MYO3B: variants seen among roughly 807,000 people sequenced by gnomAD.
MYO3B encodes myosin-IIIb.
Under a neutral mutation model 174.6 loss-of-function variants are expected in MYO3B, and 156 were observed. The ratio of observed to expected loss-of-function variants is 0.89; its 90% CI spans 0.78 to 1.02. The LOEUF (loss-of-function observed/expected upper bound fraction) is 1.02. Among genes scored for constraint, MYO3B ranks in the 50% least tolerant of loss-of-function variants. The pLI is 0.00. For synonymous variants in MYO3B, 563 were observed against 569.1 expected (o/e 0.99, Z 0.15); for missense variants, 1,632 against 1,639.4 (o/e 1.00, Z 0.08).
At chr2:170,333,658 C>T (rs1274427331) in intron 7 of MYO3B, among the ~76,000 whole-genome samples, 6 of 151,960 alleles carry the variant, frequency 3.9e-5, no homozygotes, top group Non-Finnish European at 7.4e-5. Context: ...TGTCTTGGTA[C>T]GTATTGTTTT....
chr2:170,524,915 AT>A (rs1196954114), intron 30 of MYO3B, among the ~76,000 whole-genome samples: 1 of 152,202 alleles, frequency 6.6e-6, no homozygotes, highest in Non-Finnish European at 1.5e-5. Flanking sequence ...CAGAATCAGG[AT>A]TTGAACATGG....
intron 32 of MYO3B, among the ~76,000 whole-genome samples, chr2:170,624,099 A>G (rs1018902234): frequency 4.6e-5 from 7 of 152,168 alleles, no homozygotes; most frequent in East Asian, 3.8e-4. Context: ...GTTTTTTCCA[A>G]TTCTGTGAAG....
At chr2:170,643,394 T>C (rs1386043812) in intron 32 of MYO3B, among the ~76,000 whole-genome samples, 1 of 152,136 alleles carries the variant, frequency 6.6e-6, no homozygotes, top group Non-Finnish European at 1.5e-5. Flanking sequence ...TCAACCCTCA[T>C]TGAGAAGAAA....
chr2:170,373,024 G>A (rs2094260338), intron 9 of MYO3B, among the ~76,000 whole-genome samples: 1 of 152,106 alleles, frequency 6.6e-6, no homozygotes, highest in African/African-American at 2.4e-5. Flanking sequence ...TTGTTTCTTA[G>A]GTGCTAGGGA....
intron 32 of MYO3B, among the ~76,000 whole-genome samples, chr2:170,625,248 GTTA>G (rs899772770): frequency 2.2e-4 from 34 of 152,186 alleles, no homozygotes; most frequent in African/African-American, 8.2e-4. Context: ...TTCAGAGCCT[GTTA>G]TTGGTCTATT....
chr2:170,499,606 G>C (rs1307109397), intron 26 of MYO3B, 40 bp from the exon 27 acceptor site: 1 of 1,589,248 alleles, frequency 6.3e-7, no homozygotes, highest in South Asian at 1.1e-5. Context: ...TTTCTGTTGA[G>C]GAACCCATAT....
At chr2:170,634,732 C>T (rs1319453014) in intron 32 of MYO3B, among the ~76,000 whole-genome samples, 1 of 152,216 alleles carries the variant, frequency 6.6e-6, no homozygotes, top group East Asian at 1.9e-4. Flanking sequence ...TGACAAAGGG[C>T]TGAAATCCAG....
At chr2:170,562,577 G>A (rs1398003948) in intron 32 of MYO3B, among the ~76,000 whole-genome samples, 3 of 152,144 alleles carry the variant, frequency 2.0e-5, no homozygotes, top group African/African-American at 7.2e-5. Context: ...CCTCACTAAA[G>A]ATGAGTAAGT....
intron 7 of MYO3B, among the ~76,000 whole-genome samples, chr2:170,280,976 T>C (rs2093504476): frequency 6.6e-6 from 1 of 152,200 alleles, no homozygotes; most frequent in South Asian, 2.1e-4. Flanking sequence ...TTTAGTACCA[T>C]ATGAATTTTT....
At chr2:170,338,733 G>T (rs991175752) in intron 8 of MYO3B, among the ~76,000 whole-genome samples, 1 of 152,108 alleles carries the variant, frequency 6.6e-6, no homozygotes, top group Non-Finnish European at 1.5e-5. Flanking sequence ...CTCCCAAGTA[G>T]CTGGAATTAC....
At chr2:170,224,281 T>A (rs2092929700) in intron 6 of MYO3B, among the ~76,000 whole-genome samples, 1 of 152,226 alleles carries the variant, frequency 6.6e-6, no homozygotes, top group Non-Finnish European at 1.5e-5. Flanking sequence ...CTTAAAGAGC[T>A]ATAGGAGGAA....
rs771388525 is a variant in MYO3B at position 170,178,287 on chromosome 2, G to A, written c.-1G>A. On this transcript the variant is annotated splice_region_variant and 5_prime_UTR_variant, in exon 1 of 35. Coordinates refer to ENST00000408978, the MANE Select transcript of MYO3B (RefSeq NM_138995.5). ...AGCCGGATTCAGAAAATAGGTCATC[G>A]ATGTGAGTTGCAGTTATTTTCCTTC... The A allele has an allele frequency of 1.9e-5, 31 of 1,614,032 alleles. No individual in the cohort carries two copies. The highest frequency in any genetic ancestry group is 1.6e-4 in the Middle Eastern group (1 of 6,084).
At chr2:170,497,871 T>G (rs4668265) in intron 25 of MYO3B, among the ~76,000 whole-genome samples, 138,138 of 149,222 alleles carry the variant, frequency 0.93, 64,750 homozygotes, top group Non-Finnish European at 1. Context: ...CTTGAACCCA[T>G]GAGGCAGAGG....
intron 7 of MYO3B, among the ~76,000 whole-genome samples, chr2:170,331,776 G>A (rs557285146): frequency 6.6e-6 from 1 of 152,184 alleles, no homozygotes. Flanking sequence ...GCTAGATATC[G>A]GCTGAGGCCC....
At chr2:170,431,627 A>G (rs2094709774) in intron 22 of MYO3B, among the ~76,000 whole-genome samples, 1 of 152,234 alleles carries the variant, frequency 6.6e-6, no homozygotes, top group African/African-American at 2.4e-5. Context: ...AAAATGCCAG[A>G]CAATTACCAA....
At chr2:170,270,381 A>C (rs1354435529) in intron 7 of MYO3B, among the ~76,000 whole-genome samples, 1 of 152,196 alleles carries the variant, frequency 6.6e-6, no homozygotes, top group African/African-American at 2.4e-5. Context: ...TGTATCCTGA[A>C]TCAAGAACCA....
At chr2:170,211,260 A>C (rs1373023873) in intron 3 of MYO3B, among the ~76,000 whole-genome samples, 1 of 152,230 alleles carries the variant, frequency 6.6e-6, no homozygotes, top group East Asian at 1.9e-4. Flanking sequence ...ACTGAGGAAA[A>C]GCCTTTTTCC....
chr2:170,470,823 T>A (rs1278900359), intron 25 of MYO3B, among the ~76,000 whole-genome samples: 2 of 152,228 alleles, frequency 1.3e-5, no homozygotes, highest in African/African-American at 4.8e-5. Flanking sequence ...CTCTAATGAC[T>A]AATGATGTTG....
chr2:170,214,975 G>C (rs2092812362), intron 5 of MYO3B, 147 bp downstream of exon 5: 1 of 625,746 alleles, frequency 1.6e-6, no homozygotes, highest in Non-Finnish European at 2.9e-6. Flanking sequence ...GGGGGTGGGG[G>C]CTCCAGATGG....
Sources: allele counts gnomAD v4.1 joint callset (sites outside exome capture counted in the v4.1 genomes callset), GRCh38; gene constraint gnomAD v4.1.1; transcripts MANE v1.5; gene names NCBI Gene and HGNC (gene_info 2026-07-23, HGNC 2026-07-21).